The following CSMD1 variants were observed in gnomAD, a reference collection of about 807,000 sequenced individuals.
The protein encoded by CSMD1 is CUB and Sushi multiple domains 1, also known as CUB and sushi domain-containing protein 1.
In CSMD1, 213 loss-of-function variants were observed where a neutral mutation model predicts 417.5. The ratio of observed to expected loss-of-function variants is 0.51; its 90% CI spans 0.46 to 0.57. The LOEUF (loss-of-function observed/expected upper bound fraction) is 0.57, where lower values mean the gene tolerates loss of function less well. Among genes scored for constraint, CSMD1 ranks in the 20% least tolerant of loss-of-function variants. CSMD1 has a pLI of 0.00. For missense variants in CSMD1, 6,923 were observed against 4,529.7 expected, an observed-to-expected ratio of 1.53 and a Z score of -15.17; for synonymous variants, 2,862 against 1,736.8, an observed-to-expected ratio of 1.65 and a Z score of -16.11.
chr8:4,758,778 G>A (rs912021402), intron 1 of CSMD1, among the ~76,000 whole-genome samples: 1 of 152,122 alleles, frequency 6.6e-6, no homozygotes, highest in Non-Finnish European at 1.5e-5. Flanking sequence ...GTCCCTCAAT[G>A]TCATGAGAAC....
chr8:3,070,033 GT>G (rs1813224207), intron 49 of CSMD1, among the ~76,000 whole-genome samples: 1 of 152,242 alleles, frequency 6.6e-6, no homozygotes, highest in African/African-American at 2.4e-5. Context: ...CTGGGCACTT[GT>G]GATTCAAAGA....
intron 5 of CSMD1, among the ~76,000 whole-genome samples, chr8:3,862,412 C>A (rs933093965): frequency 6.7e-6 from 1 of 149,900 alleles, no homozygotes; most frequent in Admixed American, 6.6e-5. Context: ...TTTTCTCTCA[C>A]TTGTCTTTCA....
chr8:4,972,002 A>T (rs561154933), intron 1 of CSMD1, among the ~76,000 whole-genome samples: 25 of 152,256 alleles, frequency 1.6e-4, no homozygotes, highest in Non-Finnish European at 2.6e-4. Context: ...TCTTCAAAGC[A>T]GCAGCCAACA....
intron 3 of CSMD1, among the ~76,000 whole-genome samples, chr8:4,129,694 T>C (rs1306109236): frequency 1.3e-5 from 2 of 152,220 alleles, no homozygotes; most frequent in Non-Finnish European, 2.9e-5. Flanking sequence ...CATTTTGTTA[T>C]ACAAGTCCAT....
At chr8:3,965,034 A>C (rs560972135) in intron 5 of CSMD1, among the ~76,000 whole-genome samples, 97 of 152,334 alleles carry the variant, frequency 6.4e-4, no homozygotes, top group African/African-American at 2.3e-3. Context: ...GTTTCTACAC[A>C]ATGTGCTTGT....
At chr8:3,882,141 G>T (rs912937545) in intron 5 of CSMD1, among the ~76,000 whole-genome samples, 12 of 151,702 alleles carry the variant, frequency 7.9e-5, no homozygotes, top group Non-Finnish European at 1.5e-4. Flanking sequence ...CATCACAATT[G>T]GCTCCTCCAC....
At chr8:4,833,575 T>C (rs773130670) in intron 1 of CSMD1, among the ~76,000 whole-genome samples, 8 of 152,240 alleles carry the variant, frequency 5.3e-5, no homozygotes, top group Non-Finnish European at 1.0e-4. Flanking sequence ...TAAACTGTGA[T>C]ATTCCAAATG....
intron 1 of CSMD1, among the ~76,000 whole-genome samples, chr8:4,820,824 C>T (rs768617545): frequency 2.4e-4 from 37 of 152,142 alleles, no homozygotes; most frequent in Non-Finnish European, 4.6e-4. Flanking sequence ...AACTGTAATA[C>T]TTGTTGCAAG....
At chr8:4,655,987 T>C (rs905923646) in intron 1 of CSMD1, among the ~76,000 whole-genome samples, 4 of 151,932 alleles carry the variant, frequency 2.6e-5, no homozygotes, top group African/African-American at 9.7e-5. Flanking sequence ...GGTTGGACAA[T>C]AAAAAATAAA....
chr8:4,282,263 T>G (rs1305717824), intron 3 of CSMD1, among the ~76,000 whole-genome samples: 1 of 152,190 alleles, frequency 6.6e-6, no homozygotes, highest in Non-Finnish European at 1.5e-5. Flanking sequence ...ATAATCCATG[T>G]GAACCTGTCA....
At chr8:3,571,658 C>T (rs1298243123) in intron 10 of CSMD1, among the ~76,000 whole-genome samples, 1 of 152,006 alleles carries the variant, frequency 6.6e-6, no homozygotes, top group Non-Finnish European at 1.5e-5. Context: ...TTCTGCGCTC[C>T]CCGAGCTCGG....
chr8:3,336,288 C>T (rs1266112050), intron 23 of CSMD1, among the ~76,000 whole-genome samples: 3 of 152,104 alleles, frequency 2.0e-5, no homozygotes, highest in Non-Finnish European at 4.4e-5. Context: ...TTCCAAGGCC[C>T]CTGAACCCTG....
At chr8:4,603,625 A>G (rs912868317) in intron 2 of CSMD1, among the ~76,000 whole-genome samples, 7 of 152,174 alleles carry the variant, frequency 4.6e-5, no homozygotes, top group African/African-American at 1.7e-4. Flanking sequence ...AATAAAATGA[A>G]TATAATCACC....
chr8:4,696,175 A>C lies in CSMD1; in HGVS notation c.86-58617T>G, dbSNP rs1006672024. Among the ~76,000 whole-genome samples the C allele has an allele frequency of 1.2e-4, 18 of 152,362 alleles. No individual in the cohort carries two copies. In the Middle Eastern group the frequency reaches 0.01, roughly 86 times the overall value. ...GAAAATCATTCAATAAATGTTTTAA[A>C]GCCAGTGCACATGTATGCATATAGG... On this transcript the variant is annotated intron_variant, in intron 1 of 69. Transcript: ENST00000635120.
At chr8:3,481,189 T>C in intron 11 of CSMD1, among the ~76,000 whole-genome samples, 1 of 147,560 alleles carries the variant, frequency 6.8e-6, no homozygotes. Context: ...ACCAGAGTAG[T>C]TGGTAGACCT....
At chr8:4,910,223 CT>C (rs1375029797) in intron 1 of CSMD1, among the ~76,000 whole-genome samples, 1 of 152,128 alleles carries the variant, frequency 6.6e-6, no homozygotes, top group Non-Finnish European at 1.5e-5. Context: ...TATTATTCAT[CT>C]TGGGAAATGT....
At chr8:4,650,656 T>TAAAA (rs3990383) in intron 1 of CSMD1, among the ~76,000 whole-genome samples, 11 of 148,832 alleles carry the variant, frequency 7.4e-5, no homozygotes, top group Non-Finnish European at 1.3e-4. Flanking sequence ...GGCCTTGAGT[T>TAAAA]AAAAAAAAAA....
chr8:4,291,687 T>C (rs987208478), intron 3 of CSMD1, among the ~76,000 whole-genome samples: 6 of 152,196 alleles, frequency 3.9e-5, no homozygotes, highest in Non-Finnish European at 7.3e-5. Flanking sequence ...AAATTCTTTA[T>C]TCAACGGGTG....
intron 2 of CSMD1, among the ~76,000 whole-genome samples, chr8:4,566,646 C>A (rs562361033): frequency 2.3e-5 from 2 of 86,316 alleles, no homozygotes; most frequent in African/African-American, 4.9e-5. Flanking sequence ...GAGGGAGACT[C>A]TGACTCAAAA....
Sources: allele counts gnomAD v4.1 joint callset (sites outside exome capture counted in the v4.1 genomes callset), GRCh38; gene constraint gnomAD v4.1.1; transcripts MANE v1.5; gene names NCBI Gene and HGNC (gene_info 2026-07-23, HGNC 2026-07-21).